Variants in PLPPR1 observed in about 807,000 individuals in gnomAD.
The protein encoded by PLPPR1 is phospholipid phosphatase-related protein type 1.
In PLPPR1, 10 loss-of-function variants were observed where a neutral mutation model predicts 33.1. That is an observed-to-expected ratio of 0.30 (90% confidence interval 0.19 to 0.51). The LOEUF is 0.51. Ranked by LOEUF, PLPPR1 falls within the 20% of genes least tolerant of loss-of-function variation. The probability of loss-of-function intolerance (pLI) is 0.97; values close to 1 mark genes in which losing one functional copy is unlikely to be tolerated. For missense variants in PLPPR1, 304 were observed against 408.1 expected (o/e 0.74, Z 2.20); for synonymous variants, 151 against 151.0 (o/e 1.00, Z 0.00).
chr9:101,245,674 G>C lies in PLPPR1; in HGVS notation c.64-24206G>C, dbSNP rs1324080693. 3.9e-5 allele frequency among the ~76,000 whole-genome samples: 6 copies of C among 151,974 alleles called. No homozygotes were observed. The South Asian group carries it at 1.0e-3, about 26-fold the overall frequency. On this transcript the variant is annotated intron_variant, in intron 2 of 7. Transcript: ENST00000374874. ...GGGAGAGCTCTGTATTCTTACCCAG[G>C]TTCTTTTGTTTTCTCTGGAACCACA...
chr9:101,311,406 C>T (rs1474607615), intron 5 of PLPPR1, among the ~76,000 whole-genome samples: 1 of 152,154 alleles, frequency 6.6e-6, no homozygotes, highest in Non-Finnish European at 1.5e-5. Flanking sequence ...AATTACTCAA[C>T]AAGGATTTCC....
chr9:101,156,570 A>G (rs868004097), intron 1 of PLPPR1, among the ~76,000 whole-genome samples: 5 of 98,426 alleles, frequency 5.1e-5, no homozygotes, highest in East Asian at 2.6e-4. Flanking sequence ...AAAAAAAAAA[A>G]AAAGAAAGAA....
At chr9:101,077,478 G>A (rs1470834083) in intron 1 of PLPPR1, among the ~76,000 whole-genome samples, 2 of 152,076 alleles carry the variant, frequency 1.3e-5, no homozygotes, top group East Asian at 1.9e-4. Context: ...CATTCAAATA[G>A]TTATGCATTC....
chr9:101,065,354 G>A (rs1830398557), intron 1 of PLPPR1, among the ~76,000 whole-genome samples: 1 of 151,996 alleles, frequency 6.6e-6, no homozygotes, highest in South Asian at 2.1e-4. Flanking sequence ...ATTGAATCGA[G>A]CACTCACTTC....
intron 1 of PLPPR1, among the ~76,000 whole-genome samples, chr9:101,047,231 A>G (rs1404570044): frequency 2.6e-5 from 4 of 152,130 alleles, no homozygotes; most frequent in Admixed American, 6.5e-5. Flanking sequence ...CCTTTTAACC[A>G]TTTCTAGATT....
At chr9:101,087,029 T>C (rs1197280022) in intron 1 of PLPPR1, among the ~76,000 whole-genome samples, 3 of 151,814 alleles carry the variant, frequency 2.0e-5, no homozygotes, top group Non-Finnish European at 4.4e-5. Context: ...AAATACAAGA[T>C]TTAGCTAGGC....
intron 3 of PLPPR1, among the ~76,000 whole-genome samples, chr9:101,271,894 A>T (rs1828107792): frequency 6.6e-6 from 1 of 152,152 alleles, no homozygotes; most frequent in South Asian, 2.1e-4. Context: ...TTTACATTTT[A>T]AAAAAATATA....
intron 2 of PLPPR1, among the ~76,000 whole-genome samples, chr9:101,257,581 G>A (rs1306765406): frequency 1.3e-5 from 2 of 152,228 alleles, no homozygotes; most frequent in South Asian, 4.1e-4. Context: ...GAAGACTTCC[G>A]AGCAATTTCA....
chr9:101,068,823 G>A (rs1004535352), intron 1 of PLPPR1, among the ~76,000 whole-genome samples: 12 of 152,068 alleles, frequency 7.9e-5, no homozygotes, highest in Admixed American at 7.2e-4. Context: ...AGACAAGAAC[G>A]TTACTTCTAG....
Position 101,317,418 on chromosome 9 carries a change from C to T in PLPPR1, c.867C>T (p.Pro289=). 1.2e-6 allele frequency: 2 copies of T among 1,614,060 alleles called. No homozygotes were observed. The highest frequency in any genetic ancestry group is 1.7e-6 in the Non-Finnish European group (2 of 1,179,968). ...GAACGCAAGGATCTCCTTCCAAACC[C>T]AAGCCTGAGGATCCCCGTGGAGTAC... ...FKGTQGSPSK[P]KPEDPRGVPL... Residue 289 remains proline (P), a synonymous_variant, in exon 7 of 8, where the codon CCC becomes CCT. Transcript: ENST00000374874.
At chr9:101,136,348 G>A (rs1831376922) in intron 1 of PLPPR1, among the ~76,000 whole-genome samples, 1 of 152,190 alleles carries the variant, frequency 6.6e-6, no homozygotes, top group Non-Finnish European at 1.5e-5. Context: ...GTAAATACAT[G>A]TATGTACACT....
At chr9:101,265,514 C>A (rs1588102324) in intron 2 of PLPPR1, among the ~76,000 whole-genome samples, 1 of 152,182 alleles carries the variant, frequency 6.6e-6, no homozygotes, top group South Asian at 2.1e-4. Flanking sequence ...AGTGTGCCAG[C>A]TGGCACCAGT....
At chr9:101,168,081 C>A (rs953592255) in intron 1 of PLPPR1, among the ~76,000 whole-genome samples, 2 of 152,114 alleles carry the variant, frequency 1.3e-5, no homozygotes, top group African/African-American at 2.4e-5. Context: ...TCAATTACGT[C>A]CCACCAGATC....
chr9:101,167,186 T>TGTGTGTGTGTGTG (rs1825872610), intron 1 of PLPPR1, among the ~76,000 whole-genome samples: 8 of 23,182 alleles, frequency 3.5e-4, no homozygotes, highest in Admixed American at 1.2e-3. Context: ...GTGTGTGTCT[T>TGTGTGTGTGTGTG]TCTCTCTCTC....
In PLPPR1 at chr9:101,171,493, G is replaced by C. The variant is rs139950744; in HGVS notation, c.-45-13957G>C. On this transcript the variant is annotated intron_variant, in intron 1 of 7. Coordinates refer to ENST00000374874, the MANE Select transcript of PLPPR1 (RefSeq NM_207299.2). ...GGGGATAGCTCAAGGGCTGCATTGT[G>C]GATCTAGCAGAAAGAAACTGGAGCG... 2.7e-3 allele frequency among the ~76,000 whole-genome samples: 416 copies of C among 152,266 alleles called. 3 individuals are homozygous for C. Among genetic ancestry groups the C allele is most frequent in the African/African-American group, 9.5e-3 (395 of 41,554 alleles).
chr9:101,307,813 C>T (rs1215056694), intron 4 of PLPPR1, among the ~76,000 whole-genome samples: 3 of 152,196 alleles, frequency 2.0e-5, no homozygotes, highest in African/African-American at 7.2e-5. Context: ...AGACTCTTGA[C>T]ATTTACAAGG....
intron 2 of PLPPR1, among the ~76,000 whole-genome samples, chr9:101,215,869 T>G (rs563665638): frequency 2.0e-5 from 3 of 152,210 alleles, no homozygotes; most frequent in Non-Finnish European, 4.4e-5. Context: ...ATATGCCACA[T>G]TTCCTTTATC....
Position 101,078,202 on chromosome 9 carries a change from G to A in PLPPR1, c.-46+49100G>A, listed in dbSNP as rs1242766913. 1.1e-4 allele frequency among the ~76,000 whole-genome samples: 7 copies of A among 63,646 alleles called. 1 individual carries two copies. In the East Asian group the frequency reaches 3.8e-3, roughly 34 times the overall value. The allele number at this position is 63,646 out of a possible 152,430, so 41.8% of individuals were successfully genotyped here. A position where few individuals can be genotyped will look rare whatever the true frequency, so the allele number is the denominator to read the frequency against. Reference sequence around the variant, plus strand: ...AAGAAGAAGAGGAGGGGGGGAGGGGGAGGGGGAGGGGGAGGGGGGAGGGGG... The same window carrying A: ...AAGAAGAAGAGGAGGGGGGGAGGGGAAGGGGGAGGGGGAGGGGGGAGGGGG... On this transcript the variant is annotated intron_variant, in intron 1 of 7. Coordinates refer to ENST00000374874, the MANE Select transcript of PLPPR1 (RefSeq NM_207299.2).
chr9:101,068,100 C>T (rs892536299), intron 1 of PLPPR1, among the ~76,000 whole-genome samples: 3 of 152,032 alleles, frequency 2.0e-5, no homozygotes, highest in African/African-American at 7.2e-5. Flanking sequence ...ATTATAAGGG[C>T]AATAATTGTT....
Sources: gnomAD v4.1 joint callset for allele counts (sites outside exome capture counted in the v4.1 genomes callset) on GRCh38, gnomAD v4.1.1 for gene constraint, MANE v1.5 for transcripts, NCBI Gene and HGNC (gene_info 2026-07-23, HGNC 2026-07-21) for gene names.